Variants in METTL16 observed in about 807,000 individuals in gnomAD.
The protein encoded by METTL16 is methyltransferase 16, RNA N6-adenosine, also known as RNA N(6)-adenosine-methyltransferase METTL16.
Under a neutral mutation model 57.9 loss-of-function variants are expected in METTL16, and 19 were observed. The ratio of observed to expected loss-of-function variants is 0.33; its 90% CI spans 0.23 to 0.48. METTL16 has a LOEUF of 0.48. Ranked by LOEUF, METTL16 falls within the 20% of genes least tolerant of loss-of-function variation. The probability of loss-of-function intolerance (pLI) is 0.99; values close to 1 mark genes in which losing one functional copy is unlikely to be tolerated. For missense variants in METTL16, 434 were observed against 691.5 expected (o/e 0.63, Z 4.18); for synonymous variants, 246 against 255.6 (o/e 0.96, Z 0.36).
At chr17:2,485,008 C>T (rs1393730127) in intron 2 of METTL16, among the ~76,000 whole-genome samples, 1 of 152,172 alleles carries the variant, frequency 6.6e-6, no homozygotes, top group African/African-American at 2.4e-5. Context: ...ACCCCTGGGC[C>T]ATGGACTGAT....
chr17:2,421,181 T>C lies in METTL16; in HGVS notation c.889-277A>G, dbSNP rs557823177. 2.0e-5 allele frequency among the ~76,000 whole-genome samples: 3 copies of C among 152,054 alleles called. No homozygotes were observed. The South Asian group carries it at 6.3e-4, about 32-fold the overall frequency. ...TCAGCCCCAGCAACATAGTAAGACC[T>C]CCATCTCTAAAAAAACGTTTAAAAC... On this transcript the variant is annotated intron_variant, in intron 8 of 9. Transcript: ENST00000263092.
At chr17:2,498,151 G>A (rs576777244) in intron 2 of METTL16, among the ~76,000 whole-genome samples, 25 of 149,074 alleles carry the variant, frequency 1.7e-4, no homozygotes, top group African/African-American at 5.5e-4. Context: ...CCGAGATCGC[G>A]CCACTGCACT....
intron 2 of METTL16, among the ~76,000 whole-genome samples, chr17:2,485,636 T>C (rs2067336062): frequency 6.6e-6 from 1 of 152,216 alleles, no homozygotes; most frequent in Non-Finnish European, 1.5e-5. Flanking sequence ...GGTCAGAATT[T>C]TTAAGAAACT....
chr17:2,458,992 G>A (rs1446526205), intron 6 of METTL16, among the ~76,000 whole-genome samples: 1 of 151,876 alleles, frequency 6.6e-6, no homozygotes, highest in Non-Finnish European at 1.5e-5. Context: ...TTATTTGTAG[G>A]GAAGGGGTGT....
rs368051016 is a variant in METTL16, at chr17:2,420,456, G to A, written c.1203C>T (p.Asp401=). 103 of 1,614,084 alleles carry A rather than the reference G, an allele frequency of 6.4e-5. No individual in the cohort carries two copies. The highest frequency in any genetic ancestry group is 3.2e-4 in the Admixed American group (19 of 60,022). The stretch of plus-strand genomic sequence containing the variant: ...TTTTCTCTTCCAAGGCCTGAATGAC[G>A]TCCTCAGGAGCTCGGGGAACTTCTC... ...QLREVPRAPE[D]VIQALEEKKP... Residue 401 remains aspartate, a synonymous_variant, in exon 10 of 10, where the codon GAC becomes GAT. Coordinates refer to ENST00000263092, the MANE Select transcript of METTL16 (RefSeq NM_024086.4). The surrounding 1 kb of genome is among the most constrained non-coding windows in gnomAD (Gnocchi z 5.4).
chr17:2,458,813 T>C (rs1422420728), intron 6 of METTL16, among the ~76,000 whole-genome samples: 1 of 151,888 alleles, frequency 6.6e-6, no homozygotes, highest in Non-Finnish European at 1.5e-5. Flanking sequence ...CCCTTTTTTT[T>C]TTTTCTTTTT....
At chr17:2,434,091 C>T (rs143275088) in intron 8 of METTL16, among the ~76,000 whole-genome samples, 2 of 152,342 alleles carry the variant, frequency 1.3e-5, no homozygotes, top group African/African-American at 2.4e-5. Context: ...AGAAAAGTAA[C>T]TAAGAAGAGG....
Position 2,419,511 on chromosome 17 carries a change from T to A in METTL16, c.*459A>T, listed in dbSNP as rs545104430. 2 of 414,128 alleles carry A rather than the reference T, an allele frequency of 4.8e-6. No individual in the cohort carries two copies. The highest frequency in any genetic ancestry group is 3.5e-5 in the South Asian group (2 of 57,618). The allele number at this position is 414,128 out of a possible 1,614,324, so 25.7% of individuals were successfully genotyped here. A position where few individuals can be genotyped will look rare whatever the true frequency, so the allele number is the denominator to read the frequency against. On this transcript the variant is annotated 3_prime_UTR_variant, in exon 10 of 10. Coordinates refer to ENST00000263092, the MANE Select transcript of METTL16 (RefSeq NM_024086.4). ...GGATTGATGCAAGGTAGGCCCCATC[T>A]TGAAGAGTGACCTAGAACAGGGTAC...
intron 8 of METTL16, among the ~76,000 whole-genome samples, chr17:2,421,575 G>A (rs967297085): frequency 6.6e-6 from 1 of 152,060 alleles, no homozygotes; most frequent in Non-Finnish European, 1.5e-5. Context: ...AACGTCCTTC[G>A]TGTACCTGTG....
intron 1 of METTL16, among the ~76,000 whole-genome samples, chr17:2,509,849 G>T (rs1273364069): frequency 6.6e-6 from 1 of 151,450 alleles, no homozygotes; most frequent in Admixed American, 6.6e-5. Context: ...GGAGGCCGAA[G>T]TTGCAGTGAG....
At chr17:2,465,438 T>G (rs2067185456) in intron 5 of METTL16, among the ~76,000 whole-genome samples, 2 of 149,402 alleles carry the variant, frequency 1.3e-5, no homozygotes, top group Admixed American at 1.3e-4. Flanking sequence ...TCCCAGCTAC[T>G]CGGGGGGCTG....
chr17:2,472,051 T>C lies in METTL16; in HGVS notation c.469+1473A>G, dbSNP rs138125107. On this transcript the variant is annotated intron_variant, in intron 4 of 9. Coordinates refer to ENST00000263092, the MANE Select transcript of METTL16 (RefSeq NM_024086.4). ...ATTGCTTGAACCCAGGAGGCAGAGG[T>C]TGCAGTGAGCCAAGATCATACCATT... Among the ~76,000 whole-genome samples the C allele has an allele frequency of 1.7e-3, 262 of 150,992 alleles. 3 individuals carry two copies. Among genetic ancestry groups the C allele is most frequent in the African/African-American group, 6.1e-3 (250 of 41,070 alleles).
At chr17:2,494,000 C>T (rs2067421578) in intron 2 of METTL16, among the ~76,000 whole-genome samples, 1 of 152,138 alleles carries the variant, frequency 6.6e-6, no homozygotes, top group South Asian at 2.1e-4. Flanking sequence ...ATTTCTTCTT[C>T]CCTGTAACAA....
chr17:2,497,167 G>C (rs1457565707), intron 2 of METTL16, among the ~76,000 whole-genome samples: 3 of 150,954 alleles, frequency 2.0e-5, no homozygotes, highest in Non-Finnish European at 4.4e-5. Context: ...CATCACGCCT[G>C]GCTTATTTTT....
At chr17:2,423,973 G>A (rs1230807180) in intron 8 of METTL16, among the ~76,000 whole-genome samples, 2 of 152,128 alleles carry the variant, frequency 1.3e-5, no homozygotes, top group East Asian at 3.9e-4. Flanking sequence ...GGACTAAAAT[G>A]AAAACTTCCC....
intron 2 of METTL16, among the ~76,000 whole-genome samples, chr17:2,479,665 T>C (rs922203748): frequency 3.3e-5 from 5 of 152,102 alleles, no homozygotes; most frequent in African/African-American, 9.7e-5. Flanking sequence ...AAAAATTCAA[T>C]GTCCATCGGG....
At chr17:2,465,915 G>A (rs1002249245) in intron 5 of METTL16, among the ~76,000 whole-genome samples, 6 of 151,478 alleles carry the variant, frequency 4.0e-5, no homozygotes, top group Non-Finnish European at 8.8e-5. Flanking sequence ...AGTGTTGACC[G>A]GGTGTGATGG....
chr17:2,487,403 A>G (rs1259371376), intron 2 of METTL16, among the ~76,000 whole-genome samples: 4 of 152,238 alleles, frequency 2.6e-5, no homozygotes, highest in Admixed American at 6.5e-5. Context: ...AGTGCGAAGG[A>G]AAGAGAGCTG....
At chr17:2,469,094 G>A (rs929355390) in intron 4 of METTL16, among the ~76,000 whole-genome samples, 2 of 151,860 alleles carry the variant, frequency 1.3e-5, no homozygotes, top group Non-Finnish European at 2.9e-5. Flanking sequence ...AAACTTAGAC[G>A]GGTGTGGTGG....
Sources: gnomAD v4.1 joint callset for allele counts (sites outside exome capture counted in the v4.1 genomes callset) on GRCh38, gnomAD v4.1.1 for gene constraint, Gnocchi (gnomAD v3.1) non-coding constraint, MANE v1.5 for transcripts, NCBI Gene and HGNC (gene_info 2026-07-23, HGNC 2026-07-21) for gene names.